Variants in TMEM74 observed in about 807,000 individuals in gnomAD.
TMEM74 encodes the protein transmembrane protein 74.
Under a neutral mutation model 18.1 loss-of-function variants are expected in TMEM74, and 13 were observed. The ratio of observed to expected loss-of-function variants is 0.72; its 90% CI spans 0.47 to 1.14. The LOEUF (loss-of-function observed/expected upper bound fraction) is 1.14, where lower values mean the gene tolerates loss of function less well. Among genes scored for constraint, TMEM74 ranks in the 50% most tolerant of loss-of-function variants. The probability of loss-of-function intolerance (pLI) is 0.00; values close to 1 mark genes in which losing one functional copy is unlikely to be tolerated. For synonymous variants in TMEM74, 159 were observed against 146.6 expected (o/e 1.08, Z -0.61); for missense variants, 372 against 375.9 (o/e 0.99, Z 0.09).
intron 2 of TMEM74, among the ~76,000 whole-genome samples, chr8:108,634,178 G>T (rs1586241599): frequency 6.6e-6 from 1 of 151,752 alleles, no homozygotes; most frequent in African/African-American, 2.4e-5. Flanking sequence ...TTAACATTCT[G>T]GTGGGAGAAT....
chr8:108,627,048 C>G (rs7008067), intron 2 of TMEM74, among the ~76,000 whole-genome samples: 33 of 152,010 alleles, frequency 2.2e-4, no homozygotes, highest in African/African-American at 7.7e-4. Flanking sequence ...CTATCATTTT[C>G]CCTTTAAGTG....
chr8:108,716,922 A>G (rs1813528751), intron 1 of TMEM74, among the ~76,000 whole-genome samples: 1 of 151,988 alleles, frequency 6.6e-6, no homozygotes, highest in Non-Finnish European at 1.5e-5. Context: ...ACATATTTCT[A>G]CCTTGATAAA....
At chr8:108,648,087 G>T (rs1283272991) in intron 2 of TMEM74, among the ~76,000 whole-genome samples, 1 of 152,084 alleles carries the variant, frequency 6.6e-6, no homozygotes, top group Non-Finnish European at 1.5e-5. Flanking sequence ...TTGGTAAATT[G>T]AAAAATAGCC....
At chr8:108,728,826 T>C (rs1172406840) in intron 1 of TMEM74, among the ~76,000 whole-genome samples, 2 of 152,198 alleles carry the variant, frequency 1.3e-5, no homozygotes, top group Admixed American at 6.5e-5. Flanking sequence ...AAATACTTGT[T>C]GAATGAATAA....
intron 1 of TMEM74, among the ~76,000 whole-genome samples, chr8:108,665,384 T>C (rs571065281): frequency 6.6e-6 from 1 of 152,182 alleles, no homozygotes; most frequent in African/African-American, 2.4e-5. Flanking sequence ...GAATCCTGGA[T>C]AAGAGAAATG....
chr8:108,659,455 G>A (rs1158916801), intron 1 of TMEM74, among the ~76,000 whole-genome samples: 1 of 152,064 alleles, frequency 6.6e-6, no homozygotes, highest in African/African-American at 2.4e-5. Flanking sequence ...GGTTGTTTCA[G>A]AAAAGCTGGT....
intron 1 of TMEM74, among the ~76,000 whole-genome samples, chr8:108,663,557 C>T (rs998220940): frequency 6.6e-6 from 1 of 152,108 alleles, no homozygotes; most frequent in Non-Finnish European, 1.5e-5. Flanking sequence ...GTGGTGATTC[C>T]TCAAAGACCT....
chr8:108,647,740 T>A (rs900678046), intron 2 of TMEM74, among the ~76,000 whole-genome samples: 6 of 152,024 alleles, frequency 3.9e-5, no homozygotes, highest in African/African-American at 1.4e-4. Context: ...TAAGAGCCAT[T>A]TTTTTGCCCA....
intron 1 of TMEM74, among the ~76,000 whole-genome samples, chr8:108,716,033 T>TA (rs1031433284): frequency 6.6e-6 from 1 of 151,868 alleles, no homozygotes; most frequent in East Asian, 1.9e-4. Context: ...AAAAATTGAT[T>TA]AAAAAAAGAA....
chr8:108,663,501 A>G (rs1812920593), intron 1 of TMEM74, among the ~76,000 whole-genome samples: 1 of 152,188 alleles, frequency 6.6e-6, no homozygotes, highest in Admixed American at 6.5e-5. Context: ...GAACGCTTTT[A>G]TACTGTTGGT....
intron 2 of TMEM74, among the ~76,000 whole-genome samples, chr8:108,654,347 T>C (rs1402634511): frequency 6.6e-6 from 1 of 152,156 alleles, no homozygotes; most frequent in Non-Finnish European, 1.5e-5. Flanking sequence ...AAATGCAAAA[T>C]AGAAATACTT....
intron 1 of TMEM74, among the ~76,000 whole-genome samples, chr8:108,692,530 A>G (rs920034758): frequency 6.6e-6 from 1 of 152,142 alleles, no homozygotes; most frequent in East Asian, 1.9e-4. Flanking sequence ...TTAATAACCA[A>G]TGAGAAGCAG....
At chr8:108,680,677 G>T (rs1169780289) in intron 1 of TMEM74, among the ~76,000 whole-genome samples, 1 of 152,036 alleles carries the variant, frequency 6.6e-6, no homozygotes, top group South Asian at 2.1e-4. Context: ...GCAATTAGGC[G>T]GGAGAAGGAA....
intron 1 of TMEM74, among the ~76,000 whole-genome samples, chr8:108,718,595 T>G (rs1813552751): frequency 6.6e-6 from 1 of 152,106 alleles, no homozygotes; most frequent in Non-Finnish European, 1.5e-5. Flanking sequence ...TACACTAGGA[T>G]TTTTGACAAC....
intron 1 of TMEM74, among the ~76,000 whole-genome samples, chr8:108,679,957 C>T (rs1025291809): frequency 3.9e-5 from 6 of 152,068 alleles, no homozygotes; most frequent in East Asian, 1.9e-4. Context: ...ATAAATTCCT[C>T]GACACATACA....
At chr8:108,652,591 C>A in intron 2 of TMEM74, 2 of 617,618 alleles carry the variant, frequency 3.2e-6, no homozygotes, top group Non-Finnish European at 6.1e-6. Context: ...CCAGAGAAAA[C>A]AGAGACACTG....
At chr8:108,629,386 T>C (rs1439488194) in intron 2 of TMEM74, among the ~76,000 whole-genome samples, 1 of 151,920 alleles carries the variant, frequency 6.6e-6, no homozygotes, top group East Asian at 1.9e-4. Context: ...ACAGGGAGAA[T>C]GGAACCAAGT....
chr8:108,728,156 G>T (rs750545861), intron 1 of TMEM74, among the ~76,000 whole-genome samples: 1 of 152,180 alleles, frequency 6.6e-6, no homozygotes, highest in African/African-American at 2.4e-5. Context: ...TGCTGCAAAT[G>T]GGGCTTTTTT....
rs181854984 is a variant in TMEM74 at position 108,686,493 on chromosome 8, C to T, written n.120-31056G>A. Among the ~76,000 whole-genome samples, 214 of 152,196 alleles carry T rather than the reference C, an allele frequency of 1.4e-3. 1 individual carries two copies. Among genetic ancestry groups the T allele is most frequent in the Middle Eastern group, 6.8e-3 (2 of 294 alleles). ...CTGAGATTACAGGCGTGACCCACCG[C>T]GCCGGCCCTGTTTTATACTTCTTAA... On this transcript the variant is annotated intron_variant and non_coding_transcript_variant, in intron 1 of 3. Coordinates refer to the TMEM74 transcript ENST00000518838.
Sources: allele counts gnomAD v4.1 joint callset (sites outside exome capture counted in the v4.1 genomes callset), GRCh38; gene constraint gnomAD v4.1.1; transcripts MANE v1.5; gene names NCBI Gene and HGNC (gene_info 2026-07-23, HGNC 2026-07-21).